Variants in DARS1 observed in about 807,000 individuals in gnomAD.
DARS1 encodes the protein aspartate--tRNA ligase, cytoplasmic.
DARS1 carries 51 observed loss-of-function variants against 68.8 expected under a neutral mutation model. That is an observed-to-expected ratio of 0.74 (90% confidence interval 0.59 to 0.94). DARS1 has a LOEUF of 0.94. DARS1 is among the 40% of genes least tolerant of loss of function. The pLI is 0.00. For missense variants in DARS1, 607 were observed against 597.3 expected (o/e 1.02, Z -0.17); for synonymous variants, 203 against 190.4 (o/e 1.07, Z -0.55).
At chr2:135,961,610 A>T in intron 3 of DARS1, 112 bp from the exon 4 acceptor site, 1 of 690,116 alleles carries the variant, frequency 1.4e-6, no homozygotes, top group Admixed American at 2.2e-5. Context: ...TATACTCATC[A>T]GGCACGCATG....
rs762103968 is a variant in DARS1 at position 135,924,396 on chromosome 2, T to C, written c.667A>G (p.Ile223Val). The C allele has an allele frequency of 6.3e-6, 10 of 1,594,892 alleles. No homozygotes were observed. The African/African-American group carries it at 1.1e-4, about 17-fold the overall frequency. The change falls in exon 8 of 16, where the codon ATT becomes GTT. Residue 223 changes from isoleucine to valine, a missense_variant. Transcript: ENST00000264161. Reference protein sequence around the residue: ...KGFVEIQTPKIISAASEGGAN... With the variant: ...KGFVEIQTPKVISAASEGGAN... ...ATATTTTGAAGCATACCTGAAATAA[T>C]TTTAGGAGTTTGGATTTCCACAAAA...
chr2:135,947,126 C>T (rs983294772), intron 4 of DARS1, among the ~76,000 whole-genome samples: 1 of 151,748 alleles, frequency 6.6e-6, no homozygotes, highest in African/African-American at 2.4e-5. Context: ...GATTTTAGCC[C>T]AGGCACGGTG....
chr2:135,949,359 A>G (rs1026718113), intron 4 of DARS1, among the ~76,000 whole-genome samples: 1 of 152,174 alleles, frequency 6.6e-6, no homozygotes, highest in African/African-American at 2.4e-5. Flanking sequence ...AACTGGCTTT[A>G]TAACACTTAA....
chr2:135,962,474 GC>G (rs1448703593), intron 3 of DARS1, among the ~76,000 whole-genome samples: 1 of 152,028 alleles, frequency 6.6e-6, no homozygotes, highest in Non-Finnish European at 1.5e-5. Context: ...TTTAGAATGG[GC>G]CTTAACCAAA....
chr2:135,963,012 C>G (rs895378783), intron 3 of DARS1, among the ~76,000 whole-genome samples: 12 of 152,148 alleles, frequency 7.9e-5, no homozygotes, highest in African/African-American at 2.7e-4. Context: ...AACCTAGCTG[C>G]CTCACAAAGC....
chr2:135,920,055 C>T (rs1169826955), intron 10 of DARS1, among the ~76,000 whole-genome samples: 4 of 152,172 alleles, frequency 2.6e-5, no homozygotes, highest in Non-Finnish European at 5.9e-5. Flanking sequence ...TGAACTCAGG[C>T]TATCTGGATG....
At chr2:135,945,412 G>A (rs1213941787) in intron 4 of DARS1, among the ~76,000 whole-genome samples, 1 of 152,190 alleles carries the variant, frequency 6.6e-6, no homozygotes, top group Admixed American at 6.5e-5. Context: ...ACAGGCATGA[G>A]CCATCGCGCC....
intron 10 of DARS1, among the ~76,000 whole-genome samples, 163 bp downstream of exon 10, chr2:135,920,290 A>G (rs1467354879): frequency 6.6e-6 from 1 of 152,194 alleles, no homozygotes; most frequent in African/African-American, 2.4e-5. Flanking sequence ...CAGTATTCTG[A>G]GTGTAGATTT....
At position 135,932,827 on chromosome 2, in the gene DARS1, C is replaced by T; in HGVS notation, c.520G>A (p.Val174Ile). ...TTGTCTAATCTTGTATCCTGGTTAA[C>T]AGTAGCTCTTCCTTCCTAAAAAAAA... is the stretch of plus-strand genomic sequence containing the variant. ...AEGEEEGRATVNQDTRLDNRV... is the reference protein window; with the variant it reads ...AEGEEEGRATINQDTRLDNRV... The change falls in exon 7 of 16, where the codon GTT becomes ATT. Residue 174 changes from valine to isoleucine, a missense_variant. By Grantham distance (29) the Val-to-Ile change is conservative. Coordinates refer to ENST00000264161, the MANE Select transcript of DARS1 (RefSeq NM_001349.4). 2 of 1,250,578 alleles carry T rather than the reference C, an allele frequency of 1.6e-6. No individual in the cohort carries two copies. The highest frequency in any genetic ancestry group is 2.3e-6 in the Non-Finnish European group (2 of 870,672). 77.5% of individuals were successfully genotyped at this position (1,250,578 alleles called of 1,614,324 possible). A position where few individuals can be genotyped will look rare whatever the true frequency, so the allele number is the denominator to read the frequency against.
chr2:135,940,765 C>T (rs538681567), intron 5 of DARS1, among the ~76,000 whole-genome samples: 25 of 152,216 alleles, frequency 1.6e-4, no homozygotes, highest in African/African-American at 4.3e-4. Context: ...AAAACCCCAT[C>T]GTCTCAGGCC....
intron 15 of DARS1, among the ~76,000 whole-genome samples, chr2:135,907,748 C>T (rs1250353353): frequency 6.6e-6 from 1 of 152,120 alleles, no homozygotes; most frequent in Non-Finnish European, 1.5e-5. Flanking sequence ...TGATACCACA[C>T]TCTGATTATA....
chr2:135,919,491 T>C (rs919789079), intron 10 of DARS1, among the ~76,000 whole-genome samples: 1 of 152,202 alleles, frequency 6.6e-6, no homozygotes, highest in Admixed American at 6.5e-5. Context: ...TGATCTTCTG[T>C]CACTTATTAA....
rs931710227 is a variant in DARS1 at position 135,917,850 on chromosome 2, G to A, written c.960-1478C>T. On this transcript the variant is annotated intron_variant, in intron 10 of 15. Transcript: ENST00000264161. ...TACAGGCTTTCGTGGGAATAATAAA[G>A]CTTAGCCATTGATTTATTAAAATCT... Among the ~76,000 whole-genome samples the A allele has an allele frequency of 5.9e-5, 9 of 152,070 alleles. No homozygotes were observed. The South Asian group carries it at 6.2e-4, about 10-fold the overall frequency.
intron 4 of DARS1, among the ~76,000 whole-genome samples, chr2:135,956,544 G>C (rs1334189569): frequency 1.3e-5 from 2 of 152,106 alleles, no homozygotes; most frequent in Admixed American, 1.3e-4. Flanking sequence ...TACTAAAACT[G>C]AACAATGCAG....
intron 5 of DARS1, among the ~76,000 whole-genome samples, chr2:135,938,724 TAA>T (rs1173224719): frequency 6.6e-6 from 1 of 152,232 alleles, no homozygotes; most frequent in East Asian, 1.9e-4. Flanking sequence ...GCAAATTGGA[TAA>T]AGAGTCAAGA....
intron 3 of DARS1, among the ~76,000 whole-genome samples, chr2:135,965,791 T>G (rs1026372396): frequency 6.6e-6 from 1 of 152,198 alleles, no homozygotes; most frequent in Non-Finnish European, 1.5e-5. Context: ...TCCTCAAGCT[T>G]TCTACGTTCA....
chr2:135,984,291 T>C (rs1271362799), intron 1 of DARS1, among the ~76,000 whole-genome samples: 1 of 152,234 alleles, frequency 6.6e-6, no homozygotes, highest in Non-Finnish European at 1.5e-5. Flanking sequence ...TGATAGTTTA[T>C]GTAATTAAGC....
At position 135,932,860 on chromosome 2, in the gene DARS1, G is replaced by C; in HGVS notation, c.505-18C>G. 1.0e-6 allele frequency: 1 copy of C among 954,394 alleles called. No homozygotes were observed. The highest frequency in any genetic ancestry group is 2.7e-5 in the East Asian group (1 of 37,500). The allele number at this position is 954,394 out of a possible 1,614,324, so 59.1% of individuals were successfully genotyped here. A position where few individuals can be genotyped will look rare whatever the true frequency, so the allele number is the denominator to read the frequency against. On this transcript the variant is annotated intron_variant, in intron 6 of 15. Coordinates refer to ENST00000264161, the MANE Select transcript of DARS1 (RefSeq NM_001349.4). ...CTTCCTTCCTAAAAAAAAAAAAAAA[G>C]AAAAGAAAAAAATAAATTTTACTAA...
rs190064307 is a variant in DARS1, at chr2:135,908,356, C to T, written c.1415-949G>A. ...GTGTCCAGTTTAGTAGTGCCAAATA[C>T]ACTCACAGCATTGTGCAATCATCAC... On this transcript the variant is annotated intron_variant, in intron 15 of 15. Transcript: ENST00000264161. Among the ~76,000 whole-genome samples, 4 of 152,252 alleles carry T rather than the reference C, an allele frequency of 2.6e-5. No individual in the cohort carries two copies. The East Asian group carries it at 7.7e-4, about 29-fold the overall frequency.
Sources: allele counts gnomAD v4.1 joint callset (sites outside exome capture counted in the v4.1 genomes callset), GRCh38; gene constraint gnomAD v4.1.1; transcripts MANE v1.5; gene names NCBI Gene and HGNC (gene_info 2026-07-23, HGNC 2026-07-21).